The following SLC25A33 variants were observed in gnomAD, a reference collection of about 807,000 sequenced individuals.
SLC25A33 encodes bone marrow stromal cell mitochondrial carrier protein.
A neutral mutation model predicts 35.5 loss-of-function variants in SLC25A33; 15 were observed. The observed-to-expected ratio is 0.42, with a 90% CI of 0.28 to 0.65. SLC25A33 has a LOEUF of 0.65. Ranked by LOEUF, SLC25A33 falls within the 30% of genes least tolerant of loss-of-function variation. The pLI is 0.20. For synonymous variants in SLC25A33, 136 were observed against 148.7 expected (o/e 0.91, Z 0.62); for missense variants, 257 against 398.5 (o/e 0.64, Z 3.02).
At chr1:9,550,978 A>T (rs1039107021) in intron 1 of SLC25A33, among the ~76,000 whole-genome samples, 1 of 152,012 alleles carries the variant, frequency 6.6e-6, no homozygotes, top group Non-Finnish European at 1.5e-5. Context: ...ACACCTGGCC[A>T]CTTCTATCTT....
intron 2 of SLC25A33, among the ~76,000 whole-genome samples, chr1:9,559,527 C>CT (rs977879645): frequency 6.7e-5 from 10 of 149,680 alleles, no homozygotes; most frequent in African/African-American, 1.2e-4. Context: ...TCTTTTATCT[C>CT]TTAATAGAGG....
At chr1:9,571,318 CAG>C (rs1213509067) in intron 4 of SLC25A33, among the ~76,000 whole-genome samples, 2 of 152,082 alleles carry the variant, frequency 1.3e-5, no homozygotes, top group Admixed American at 6.6e-5. Context: ...GTTTTTGAGA[CAG>C]AGTCACTCTG....
intron 5 of SLC25A33, among the ~76,000 whole-genome samples, chr1:9,575,292 C>T (rs1018476402): frequency 6.6e-5 from 10 of 151,634 alleles, no homozygotes; most frequent in African/African-American, 2.4e-4. Flanking sequence ...AACTTCCAGC[C>T]AGTCCACTCT....
At chr1:9,570,501 C>A in intron 4 of SLC25A33, 143 bp downstream of exon 4, 1 of 673,322 alleles carries the variant, frequency 1.5e-6, no homozygotes, top group South Asian at 1.9e-5. Context: ...ATGTTACAAC[C>A]AATAGGAGAG....
At chr1:9,549,733 G>A (rs1396579309) in intron 1 of SLC25A33, among the ~76,000 whole-genome samples, 2 of 149,432 alleles carry the variant, frequency 1.3e-5, no homozygotes, top group Non-Finnish European at 3.0e-5. Context: ...GGATTCTCCT[G>A]CCTCAGCCTC....
At chr1:9,544,489 G>A (rs995835578) in intron 1 of SLC25A33, among the ~76,000 whole-genome samples, 6 of 151,830 alleles carry the variant, frequency 4.0e-5, no homozygotes, top group Non-Finnish European at 5.9e-5. Context: ...GACTGGTCTC[G>A]AACTACTGAC....
At chr1:9,562,739 A>G (rs1179964451) in intron 2 of SLC25A33, among the ~76,000 whole-genome samples, 1 of 149,804 alleles carries the variant, frequency 6.7e-6, no homozygotes, top group Non-Finnish European at 1.5e-5. Flanking sequence ...CTGTAATCCC[A>G]GCTACTTGGA....
At chr1:9,546,622 A>G (rs1165280836) in intron 1 of SLC25A33, among the ~76,000 whole-genome samples, 1 of 152,162 alleles carries the variant, frequency 6.6e-6, no homozygotes, top group Non-Finnish European at 1.5e-5. Context: ...CCTTTGGAAG[A>G]TTATTTATGT....
chr1:9,543,377 C>G (rs750384344), intron 1 of SLC25A33, among the ~76,000 whole-genome samples: 2 of 152,152 alleles, frequency 1.3e-5, no homozygotes, highest in Non-Finnish European at 2.9e-5. Flanking sequence ...CTCCTGCCCT[C>G]AGGTGATCCG....
Position 9,549,996 on chromosome 1 carries a change from CAT to C in SLC25A33, c.57-3615_57-3614del, listed in dbSNP as rs1314749490. Among the ~76,000 whole-genome samples the C allele has an allele frequency of 9.8e-3, 704 of 72,018 alleles. 15 individuals carry two copies. Among genetic ancestry groups the C allele is most frequent in the Admixed American group, 0.014 (61 of 4,218 alleles). 47.2% of individuals were successfully genotyped at this position (72,018 alleles called of 152,430 possible). ...TATATGTATATATATTTTTTCTATA[CAT>C]ATATATATATATATTTTTTTTTTTT... On this transcript the variant is annotated intron_variant, in intron 1 of 6. Transcript: ENST00000302692.
At chr1:9,546,174 ATTTTTTT>A (rs746460317) in intron 1 of SLC25A33, among the ~76,000 whole-genome samples, 35 of 100,520 alleles carry the variant, frequency 3.5e-4, no homozygotes, top group South Asian at 6.5e-4. Flanking sequence ...ACACAGAGAA[ATTTTTTT>A]TTTTTTTTTT....
At chr1:9,546,587 TAAGAC>T (rs1643173885) in intron 1 of SLC25A33, among the ~76,000 whole-genome samples, 1 of 152,208 alleles carries the variant, frequency 6.6e-6, no homozygotes, top group African/African-American at 2.4e-5. Context: ...TCAGAACTGT[TAAGAC>T]AAGCATGAGT....
intron 2 of SLC25A33, among the ~76,000 whole-genome samples, chr1:9,558,796 C>T (rs1443051421): frequency 6.6e-6 from 1 of 152,208 alleles, no homozygotes. Context: ...TTCCTGACTG[C>T]TCTGGCTTGA....
intron 5 of SLC25A33, among the ~76,000 whole-genome samples, chr1:9,575,487 C>T (rs919334263): frequency 2.0e-5 from 3 of 151,854 alleles, no homozygotes; most frequent in Admixed American, 6.6e-5. Flanking sequence ...TGGTGGTGGG[C>T]GCCTGTAATC....
intron 4 of SLC25A33, among the ~76,000 whole-genome samples, chr1:9,572,520 A>G (rs1643605401): frequency 6.6e-6 from 1 of 151,842 alleles, no homozygotes; most frequent in Non-Finnish European, 1.5e-5. Context: ...CGGGAGGCTG[A>G]GTCAGGTGAA....
chr1:9,549,416 TG>T (rs1171203824), intron 1 of SLC25A33, among the ~76,000 whole-genome samples: 63 of 18,836 alleles, frequency 3.3e-3, no homozygotes, highest in Admixed American at 9.0e-3. Flanking sequence ...GTGGGATCAA[TG>T]GGGGGGGATG....
chr1:9,552,259 A>C (rs779831933), intron 1 of SLC25A33, among the ~76,000 whole-genome samples: 1 of 152,112 alleles, frequency 6.6e-6, no homozygotes, highest in Non-Finnish European at 1.5e-5. Flanking sequence ...TCTGTCACCC[A>C]GGCTGGAGTG....
rs547324473 is a variant in SLC25A33, at chr1:9,553,815, G to A, written c.236+10G>A. 55 of 1,609,992 alleles carry A rather than the reference G, an allele frequency of 3.4e-5. No homozygotes were observed. In the South Asian group the frequency reaches 6.1e-4, roughly 18 times the overall value. ...TCTTTCAGGTTCTGAAGTAAGTTCA[G>A]TCTTGTCTGCTCCTGCCACCTGCAC... On this transcript the variant is annotated intron_variant, in intron 2 of 6. Coordinates refer to ENST00000302692, the MANE Select transcript of SLC25A33 (RefSeq NM_032315.3).
intron 2 of SLC25A33, among the ~76,000 whole-genome samples, chr1:9,564,738 A>T (rs973525236): frequency 1.2e-5 from 1 of 84,610 alleles, no homozygotes; most frequent in Non-Finnish European, 2.1e-5. Flanking sequence ...AAAAAAAAAA[A>T]AATATATATA....
Sources: gnomAD v4.1 joint callset for allele counts (sites outside exome capture counted in the v4.1 genomes callset) on GRCh38, gnomAD v4.1.1 for gene constraint, MANE v1.5 for transcripts, NCBI Gene and HGNC (gene_info 2026-07-23, HGNC 2026-07-21) for gene names.